Variants in ETV6 observed in about 807,000 individuals in gnomAD.
The protein encoded by ETV6 is ETS variant transcription factor 6.
ETV6 carries 16 observed loss-of-function variants against 51.1 expected under a neutral mutation model. The ratio of observed to expected loss-of-function variants is 0.31; its 90% CI spans 0.21 to 0.48. ETV6 has a LOEUF of 0.48. Among genes scored for constraint, ETV6 ranks in the 20% least tolerant of loss-of-function variants. The probability of loss-of-function intolerance (pLI) is 0.99; values close to 1 mark genes in which losing one functional copy is unlikely to be tolerated. For missense variants in ETV6, 458 were observed against 594.8 expected (o/e 0.77, Z 2.39); for synonymous variants, 240 against 224.1 (o/e 1.07, Z -0.64).
intron 1 of ETV6, among the ~76,000 whole-genome samples, chr12:11,732,942 A>G (rs921112872): frequency 6.6e-6 from 1 of 152,208 alleles, no homozygotes; most frequent in Non-Finnish European, 1.5e-5. Flanking sequence ...GTGAAAGTGT[A>G]GAAAGATTGT....
chr12:11,689,693 G>A (rs1864711680), intron 1 of ETV6, among the ~76,000 whole-genome samples: 2 of 152,042 alleles, frequency 1.3e-5, no homozygotes, highest in South Asian at 4.2e-4. Flanking sequence ...GGAAGCGGGA[G>A]CTTTCTGCCA....
At chr12:11,868,677 T>G (rs933866439) in intron 4 of ETV6, among the ~76,000 whole-genome samples, 1 of 151,974 alleles carries the variant, frequency 6.6e-6, no homozygotes, top group Non-Finnish European at 1.5e-5. Context: ...TTACTAATAT[T>G]ATTAACATTA....
At chr12:11,772,892 G>A (rs543130383) in intron 2 of ETV6, among the ~76,000 whole-genome samples, 3 of 152,062 alleles carry the variant, frequency 2.0e-5, no homozygotes, top group African/African-American at 4.8e-5. Context: ...CCAAGATCAG[G>A]ATTGAAGTAT....
At chr12:11,677,869 C>G (rs1864451310) in intron 1 of ETV6, among the ~76,000 whole-genome samples, 1 of 152,234 alleles carries the variant, frequency 6.6e-6, no homozygotes, top group Admixed American at 6.5e-5. Context: ...CCTGCTCATC[C>G]TTGACATCTC....
intron 1 of ETV6, among the ~76,000 whole-genome samples, chr12:11,735,703 C>T (rs1865691593): frequency 6.6e-6 from 1 of 152,148 alleles, no homozygotes; most frequent in Admixed American, 6.5e-5. Flanking sequence ...CGGGTTCAAG[C>T]GATTCTCGTC....
At chr12:11,875,848 T>C (rs1229404420) in intron 5 of ETV6, among the ~76,000 whole-genome samples, 1 of 152,192 alleles carries the variant, frequency 6.6e-6, no homozygotes, top group Non-Finnish European at 1.5e-5. Flanking sequence ...ACCCATTTAT[T>C]TGGTATTGCC....
intron 6 of ETV6, 56 bp from the exon 7 acceptor site, chr12:11,885,870 G>A: frequency 7.5e-7 from 1 of 1,337,142 alleles, no homozygotes; most frequent in Non-Finnish European, 1.1e-6. Context: ...CTTTTCTGAG[G>A]TTCATTTCAT....
intron 4 of ETV6, among the ~76,000 whole-genome samples, chr12:11,859,132 T>G (rs1313251890): frequency 4.9e-5 from 3 of 61,034 alleles, no homozygotes; most frequent in African/African-American, 2.1e-4. Flanking sequence ...TTTTTTTTTT[T>G]TTTTTTTTTT....
At chr12:11,752,398 A>G in intron 1 of ETV6, 52 bp from the exon 2 acceptor site, 1 of 1,571,794 alleles carries the variant, frequency 6.4e-7, no homozygotes, top group South Asian at 1.1e-5. Flanking sequence ...CTCCATTCCA[A>G]GCTTTCATTG....
At chr12:11,714,057 A>C (rs565213542) in intron 1 of ETV6, among the ~76,000 whole-genome samples, 3 of 152,340 alleles carry the variant, frequency 2.0e-5, no homozygotes, top group Admixed American at 1.3e-4. Flanking sequence ...ATGACATTAA[A>C]GCTTGAGATG....
chr12:11,871,439 G>A lies in ETV6; in HGVS notation c.1009+1470G>A, dbSNP rs116382825. Among the ~76,000 whole-genome samples the A allele has an allele frequency of 9.0e-3, 1,362 of 151,994 alleles. 13 individuals carry two copies. Among genetic ancestry groups the A allele is most frequent in the African/African-American group, 0.03 (1,248 of 41,456 alleles). On this transcript the variant is annotated intron_variant, in intron 5 of 7. Coordinates refer to ENST00000396373, the MANE Select transcript of ETV6 (RefSeq NM_001987.5). ...TCTCCTGACCTCGCGATCCGCCTGCGTCGGCCTCCTAAAGTGCTAGGATTA... is the reference window on the plus strand; with the variant it reads ...TCTCCTGACCTCGCGATCCGCCTGCATCGGCCTCCTAAAGTGCTAGGATTA...
intron 3 of ETV6, among the ~76,000 whole-genome samples, chr12:11,852,958 G>A (rs1231668955): frequency 2.0e-5 from 3 of 152,136 alleles, no homozygotes; most frequent in African/African-American, 7.2e-5. Context: ...AGGCCTAGGC[G>A]AGTGGATCAC....
rs908138704 is a variant in ETV6 at position 11,853,620 on chromosome 12, T to C, written c.463+59T>C. On this transcript the variant is annotated intron_variant, in intron 4 of 7. Coordinates refer to ENST00000396373, the MANE Select transcript of ETV6 (RefSeq NM_001987.5). The stretch of plus-strand genomic sequence containing the variant: ...GTTTAGACAAATCCAGGAAGTTTAA[T>C]TGTTAACTTGATAAGCTGGTCTTCT... 286 of 1,583,272 alleles carry C rather than the reference T, an allele frequency of 1.8e-4. 1 individual carries two copies. Among genetic ancestry groups the C allele is most frequent in the Middle Eastern group, 3.3e-4 (2 of 5,978 alleles).
chr12:11,846,317 GTTAC>G (rs1290320842), intron 3 of ETV6, among the ~76,000 whole-genome samples: 1 of 152,050 alleles, frequency 6.6e-6, no homozygotes, highest in African/African-American at 2.4e-5. Flanking sequence ...TAAAGAATGT[GTTAC>G]TTAGATAATC....
chr12:11,843,250 A>G (rs992315676), intron 3 of ETV6, among the ~76,000 whole-genome samples: 2 of 152,216 alleles, frequency 1.3e-5, no homozygotes, highest in African/African-American at 4.8e-5. Context: ...TCACTCAGCA[A>G]GAGGGGGAAG....
chr12:11,792,076 A>G (rs1358535466), intron 2 of ETV6, among the ~76,000 whole-genome samples: 1 of 152,248 alleles, frequency 6.6e-6, no homozygotes, highest in Non-Finnish European at 1.5e-5. Flanking sequence ...GCCTGTATCC[A>G]CAGCAAATAG....
At chr12:11,783,393 A>G (rs1945438548) in intron 2 of ETV6, among the ~76,000 whole-genome samples, 1 of 152,150 alleles carries the variant, frequency 6.6e-6, no homozygotes, top group South Asian at 2.1e-4. Flanking sequence ...AGTAAGCACA[A>G]TTTCTGTGGC....
intron 5 of ETV6, among the ~76,000 whole-genome samples, chr12:11,877,009 C>G (rs61921362): frequency 6.6e-6 from 1 of 152,178 alleles, no homozygotes; most frequent in South Asian, 2.1e-4. Context: ...TTCTAATCAG[C>G]GAGACATCAA....
chr12:11,752,131 C>T (rs995398400), intron 1 of ETV6, among the ~76,000 whole-genome samples: 11 of 152,146 alleles, frequency 7.2e-5, no homozygotes, highest in South Asian at 2.1e-4. Flanking sequence ...GCCATTCTCG[C>T]GGACGTATTT....
Sources: allele counts gnomAD v4.1 joint callset (sites outside exome capture counted in the v4.1 genomes callset), GRCh38; gene constraint gnomAD v4.1.1; transcripts MANE v1.5; gene names NCBI Gene and HGNC (gene_info 2026-07-23, HGNC 2026-07-21).